Variants in FANCC observed in about 807,000 individuals in gnomAD.
The protein encoded by FANCC is Fanconi anemia group C protein.
FANCC carries 55 observed loss-of-function variants against 71.3 expected under a neutral mutation model. The observed-to-expected ratio is 0.77, with a 90% CI of 0.62 to 0.97. FANCC has a LOEUF of 0.97. Among genes scored for constraint, FANCC ranks in the 50% least tolerant of loss-of-function variants. The pLI is 0.00. For missense variants in FANCC, 678 were observed against 670.9 expected, an observed-to-expected ratio of 1.01 and a Z score of -0.12; for synonymous variants, 275 against 244.9, an observed-to-expected ratio of 1.12 and a Z score of -1.15.
chr9:95,212,168 A>G (rs1269850750), intron 4 of FANCC, among the ~76,000 whole-genome samples: 2 of 152,148 alleles, frequency 1.3e-5, no homozygotes, highest in Non-Finnish European at 2.9e-5. Context: ...AAGTCCTAGG[A>G]AAGGGGGTAC....
chr9:95,200,224 C>T (rs1008725953), intron 4 of FANCC, among the ~76,000 whole-genome samples: 1 of 152,164 alleles, frequency 6.6e-6, no homozygotes, highest in Non-Finnish European at 1.5e-5. Flanking sequence ...CAGAGCAAAG[C>T]TGCTGGGGTT....
intron 6 of FANCC, among the ~76,000 whole-genome samples, chr9:95,165,652 G>T (rs1831023229): frequency 6.6e-6 from 1 of 152,000 alleles, no homozygotes; most frequent in Non-Finnish European, 1.5e-5. Flanking sequence ...TAGTTACTAT[G>T]ATTTCAGTCT....
intron 6 of FANCC, among the ~76,000 whole-genome samples, chr9:95,158,534 T>C (rs1278072443): frequency 2.0e-5 from 3 of 152,214 alleles, no homozygotes; most frequent in Non-Finnish European, 4.4e-5. Flanking sequence ...CAAAAAATTA[T>C]CTTTATGAGA....
intron 1 of FANCC, chr9:95,292,319 T>TGGCC (rs1363967101): frequency 5.0e-5 from 32 of 637,322 alleles, no homozygotes; most frequent in Non-Finnish European, 2.6e-5. Context: ...GAGCTGGGCC[T>TGGCC]GGCCGCCCTG....
At chr9:95,195,371 T>C (rs1827387327) in intron 4 of FANCC, among the ~76,000 whole-genome samples, 1 of 152,146 alleles carries the variant, frequency 6.6e-6, no homozygotes, top group African/African-American at 2.4e-5. Context: ...GCACCATTTG[T>C]TGAAATTTCT....
intron 1 of FANCC, among the ~76,000 whole-genome samples, chr9:95,306,794 T>G (rs974751466): frequency 6.6e-6 from 1 of 152,144 alleles, no homozygotes; most frequent in Admixed American, 6.5e-5. Context: ...CTTTGGGCAA[T>G]CTCTTGGGAA....
chr9:95,269,788 C>T (rs1293482048), intron 1 of FANCC, among the ~76,000 whole-genome samples: 2 of 151,980 alleles, frequency 1.3e-5, no homozygotes, highest in African/African-American at 4.8e-5. Context: ...GTGGGTTGCC[C>T]CTACACACCT....
chr9:95,104,460 G>A lies in FANCC; in HGVS notation c.1533+2606C>T, dbSNP rs1450483803. The stretch of plus-strand genomic sequence containing the variant: ...AAGCACTGGGGCCCTCTGTGCTCCT[G>A]AGGGTTCCCGTGTGGATCCGCAGCA... On this transcript the variant is annotated intron_variant, in intron 14 of 14. Transcript: ENST00000289081. Among the ~76,000 whole-genome samples, 3 of 152,306 alleles carry A rather than the reference G, an allele frequency of 2.0e-5. No homozygotes were observed. In the East Asian group the frequency reaches 5.8e-4, roughly 29 times the overall value.
chr9:95,111,420 C>G (rs747528253), intron 13 of FANCC, 43 bp downstream of exon 13: 248 of 1,601,624 alleles, frequency 1.5e-4, no homozygotes, highest in Non-Finnish European at 2.1e-4. Flanking sequence ...TCTCAGCCCC[C>G]CAGAGCCCAC....
At chr9:95,152,106 G>C (rs1330393524) in intron 6 of FANCC, among the ~76,000 whole-genome samples, 1 of 152,138 alleles carries the variant, frequency 6.6e-6, no homozygotes, top group African/African-American at 2.4e-5. Flanking sequence ...GATAACTTGT[G>C]AGACAGTAAT....
chr9:95,257,566 A>G (rs1467679486), intron 1 of FANCC, among the ~76,000 whole-genome samples: 4 of 152,252 alleles, frequency 2.6e-5, no homozygotes, highest in Admixed American at 2.6e-4. Context: ...CTAAATGCCC[A>G]CAAGAGAAAG....
chr9:95,253,078 C>T (rs1193817941), intron 1 of FANCC, among the ~76,000 whole-genome samples: 1 of 152,020 alleles, frequency 6.6e-6, no homozygotes, highest in Non-Finnish European at 1.5e-5. Flanking sequence ...GAAAAAAAGG[C>T]AAACAACCTT....
chr9:95,287,988 G>A (rs1443053644), intron 1 of FANCC, among the ~76,000 whole-genome samples: 2 of 152,014 alleles, frequency 1.3e-5, no homozygotes, highest in African/African-American at 4.8e-5. Flanking sequence ...AGGAACCCCT[G>A]TTCTCCCAAA....
intron 6 of FANCC, among the ~76,000 whole-genome samples, chr9:95,162,305 G>C (rs1398392471): frequency 1.3e-5 from 2 of 152,116 alleles, no homozygotes; most frequent in African/African-American, 4.8e-5. Flanking sequence ...TTCTAAGGTG[G>C]AATAATCTTC....
chr9:95,110,150 G>GC (rs1056377691), intron 13 of FANCC: 2 of 691,194 alleles, frequency 2.9e-6, no homozygotes, highest in Admixed American at 6.2e-5. Context: ...GGAGAACTAC[G>GC]CAAGGGTTTT....
chr9:95,258,641 G>A (rs1052094398), intron 1 of FANCC, among the ~76,000 whole-genome samples: 5 of 152,182 alleles, frequency 3.3e-5, no homozygotes, highest in African/African-American at 1.2e-4. Context: ...AGTCAAAGAT[G>A]CCCTCTCTCA....
chr9:95,232,910 A>G (rs1006303864), intron 4 of FANCC, among the ~76,000 whole-genome samples: 1 of 152,250 alleles, frequency 6.6e-6, no homozygotes, highest in Non-Finnish European at 1.5e-5. Flanking sequence ...CAGGAAAGAT[A>G]CAATCCACTT....
intron 10 of FANCC, chr9:95,123,541 C>T (rs1220085243): frequency 5.7e-6 from 3 of 524,012 alleles, no homozygotes; most frequent in South Asian, 4.3e-5. Flanking sequence ...AAAGAAGGAA[C>T]AACGGTCGTA....
At chr9:95,223,768 G>A (rs1435602986) in intron 4 of FANCC, among the ~76,000 whole-genome samples, 1 of 152,094 alleles carries the variant, frequency 6.6e-6, no homozygotes, top group Non-Finnish European at 1.5e-5. Flanking sequence ...CCTGAGGTCG[G>A]GAGTTCGAGA....
Sources: allele counts gnomAD v4.1 joint callset (sites outside exome capture counted in the v4.1 genomes callset), GRCh38; gene constraint gnomAD v4.1.1; transcripts MANE v1.5; gene names NCBI Gene and HGNC (gene_info 2026-07-23, HGNC 2026-07-21).